The following INO80 variants were observed in gnomAD, a reference collection of about 807,000 sequenced individuals.
INO80 encodes INO80 complex ATPase subunit.
Under a neutral mutation model 203.4 loss-of-function variants are expected in INO80, and 20 were observed. The ratio of observed to expected loss-of-function variants is 0.10; its 90% CI spans 0.07 to 0.14. INO80 has a LOEUF of 0.14. INO80 is among the 10% of genes least tolerant of loss of function. The pLI, the probability that INO80 is intolerant of heterozygous loss-of-function variation, is 1.00. For missense variants in INO80, 1,419 were observed against 1,914.4 expected, an observed-to-expected ratio of 0.74 and a Z score of 4.83; for synonymous variants, 726 against 685.2, an observed-to-expected ratio of 1.06 and a Z score of -0.93.
In INO80 at chr15:40,983,041, C is replaced by T; in HGVS notation, c.4274G>A (p.Gly1425Asp). 6.2e-7 allele frequency: 1 copy of T among 1,613,884 alleles called. No homozygotes were observed. The highest frequency in any genetic ancestry group is 8.5e-7 in the Non-Finnish European group (1 of 1,179,978). The change falls in exon 35 of 36, where the codon GGT becomes GAT. Residue 1425 changes from glycine (G) to aspartate (D), a missense_variant. Physicochemically the swap from Gly to Asp is moderately conservative, Grantham distance 94 (BLOSUM62 -1). Around this residue, in one of 9 missense-constraint regions of INO80, gnomAD observed 214 missense variants for 248.9 expected, o/e 0.86. Coordinates refer to ENST00000648947, the MANE Select transcript of INO80 (RefSeq NM_017553.3). ...GCGGCCTCGGCTTCGGGCTGAGTGA[C>T]CACGTCCTGCAGCTGGCATTTCCTG... is the stretch of plus-strand genomic sequence containing the variant. ...SIQEMPAAGR[G>D]HSARSRGRPK...
intron 24 of INO80, among the ~76,000 whole-genome samples, chr15:41,031,912 C>CCACAGCACAG (rs1240339775): frequency 3.1e-5 from 4 of 128,378 alleles, no homozygotes; most frequent in African/African-American, 1.4e-4. Context: ...ATACTCCTTG[C>CCACAGCACAG]CACAGCACAG....
intron 29 of INO80, among the ~76,000 whole-genome samples, chr15:40,997,219 A>T (rs983876067): frequency 2.0e-5 from 3 of 152,024 alleles, no homozygotes; most frequent in African/African-American, 4.8e-5. Flanking sequence ...TTGAAGCTAC[A>T]GTGACCCATG....
At position 41,099,268 on chromosome 15, in the gene INO80, CAA is replaced by C. The variant is rs1491420813; in HGVS notation, c.-43-2917_-43-2916del. Among the ~76,000 whole-genome samples the C allele has an allele frequency of 3.8e-3, 174 of 45,482 alleles. 2 individuals are homozygous for C. The highest frequency in any genetic ancestry group is 0.012 in the African/African-American group (158 of 13,468). The allele number at this position is 45,482 out of a possible 152,430, so 29.8% of individuals were successfully genotyped here. ...AAAAAAAAAAAAAAAAAAAAAAAAA[CAA>C]ACACACACACACACACACAACAAGA... On this transcript the variant is annotated intron_variant, in intron 1 of 35. Transcript: ENST00000648947.
intron 19 of INO80, among the ~76,000 whole-genome samples, chr15:41,051,916 C>T (rs577361811): frequency 1.3e-5 from 2 of 152,140 alleles, no homozygotes; most frequent in South Asian, 4.1e-4. Context: ...TGAGATCGCG[C>T]CACTGCACTC....
chr15:41,081,773 C>A (rs1359299331), intron 7 of INO80, among the ~76,000 whole-genome samples: 1 of 152,062 alleles, frequency 6.6e-6, no homozygotes. Context: ...AGAGTACTCT[C>A]CTTGATGTTA....
At chr15:41,023,105 A>T (rs1029893204) in intron 25 of INO80, 2 of 338,564 alleles carry the variant, frequency 5.9e-6, no homozygotes, top group Non-Finnish European at 1.2e-5. Flanking sequence ...TGTCTCAAAA[A>T]AAAAAAAAAA....
chr15:41,057,797 C>CAAAA (rs35197370), intron 16 of INO80, among the ~76,000 whole-genome samples: 312 of 26,730 alleles, frequency 0.012, no homozygotes, highest in Middle Eastern at 0.021. Flanking sequence ...AACTACATCT[C>CAAAA]AAAAAAAAAA....
At chr15:41,101,529 CACAA>C (rs1423346307) in intron 1 of INO80, among the ~76,000 whole-genome samples, 1 of 151,818 alleles carries the variant, frequency 6.6e-6, no homozygotes, top group Non-Finnish European at 1.5e-5. Context: ...GAGTCACCAA[CACAA>C]ACAGACTTTA....
rs2045482673 is a variant in INO80, at chr15:41,081,395, AAAAAC to A, written c.874-327_874-323del. 3.3e-5 allele frequency among the ~76,000 whole-genome samples: 5 copies of A among 152,198 alleles called. No homozygotes were observed. The South Asian group carries it at 1.0e-3, about 32-fold the overall frequency. On this transcript the variant is annotated intron_variant, in intron 7 of 35. Coordinates refer to ENST00000648947, the MANE Select transcript of INO80 (RefSeq NM_017553.3). ...CCTAAACCTTAGCACTATCCTGATT[AAAAAC>A]ATGTTGCTTACCAGGGCCAATCTGC...
intron 19 of INO80, among the ~76,000 whole-genome samples, chr15:41,052,485 C>A (rs1338833629): frequency 1.3e-5 from 2 of 151,478 alleles, no homozygotes; most frequent in African/African-American, 4.9e-5. Flanking sequence ...CTAGTCTGGG[C>A]AACATAGCAA....
chr15:41,102,968 G>A (rs1371019276), intron 1 of INO80, among the ~76,000 whole-genome samples: 1 of 152,072 alleles, frequency 6.6e-6, no homozygotes, highest in African/African-American at 2.4e-5. Flanking sequence ...ACTGCTGTAT[G>A]ACTGACCCTC....
chr15:41,090,836 CTT>C lies in INO80; in HGVS notation c.537+1189_537+1190del, dbSNP rs11323254. On this transcript the variant is annotated intron_variant, in intron 5 of 35. Coordinates refer to ENST00000648947, the MANE Select transcript of INO80 (RefSeq NM_017553.3). The stretch of plus-strand genomic sequence containing the variant: ...GCTACCTAAAGTTAAAATGATGTAT[CTT>C]TTTTTTTTTAAGAACATATCTTTTA... Among the ~76,000 whole-genome samples, 695 of 145,290 alleles carry C rather than the reference CTT, an allele frequency of 4.8e-3. 2 individuals carry two copies. The highest frequency in any genetic ancestry group is 8.3e-3 in the Non-Finnish European group (547 of 66,144).
intron 1 of INO80, among the ~76,000 whole-genome samples, chr15:41,115,423 C>T (rs1047912781): frequency 3.9e-5 from 6 of 152,212 alleles, no homozygotes; most frequent in Non-Finnish European, 8.8e-5. Context: ...CATCTAGACA[C>T]TCCCAAGTCT....
At chr15:40,985,739 A>G (rs1241678863) in intron 31 of INO80, among the ~76,000 whole-genome samples, 1 of 152,146 alleles carries the variant, frequency 6.6e-6, no homozygotes, top group East Asian at 1.9e-4. Flanking sequence ...GTGAAACCCC[A>G]TCTCTATAAA....
intron 16 of INO80, 23 bp downstream of exon 16, chr15:41,058,616 T>A: frequency 6.2e-7 from 1 of 1,607,900 alleles, no homozygotes; most frequent in Non-Finnish European, 8.5e-7. Flanking sequence ...TGCATTGAGT[T>A]TGGTTTCTAC....
chr15:40,979,088 A>G lies in INO80; in HGVS notation c.*1135T>C, dbSNP rs1293675365. ...GAGCAGGGGAATCTTAATGATTTAA[A>G]TTAAATGATTCCCCTATACCCCCTA... On this transcript the variant is annotated 3_prime_UTR_variant, in exon 36 of 36. Coordinates refer to ENST00000648947, the MANE Select transcript of INO80 (RefSeq NM_017553.3). The G allele has an allele frequency of 2.0e-5, 3 of 152,576 alleles. No homozygotes were observed. Among genetic ancestry groups the G allele is most frequent in the African/African-American group, 7.2e-5 (3 of 41,432 alleles). 9.5% of individuals were successfully genotyped at this position (152,576 alleles called of 1,614,324 possible).
At position 40,997,604 on chromosome 15, in the gene INO80, G is replaced by A. The variant is rs1207210225; in HGVS notation, c.3498-3C>T. 3 of 1,604,444 alleles carry A rather than the reference G, an allele frequency of 1.9e-6. No individual in the cohort carries two copies. In the East Asian group the frequency reaches 6.7e-5, roughly 36 times the overall value. ...ACAGGAACACAAAGATGTCATTCCT[G>A]CAGAAAAGGGAGAGATATGTTAAAG... On this transcript the variant is annotated splice_polypyrimidine_tract_variant and splice_region_variant and intron_variant, in intron 28 of 35. Transcript: ENST00000648947.
At chr15:40,985,818 G>A (rs528106542) in intron 31 of INO80, among the ~76,000 whole-genome samples, 1 of 152,232 alleles carries the variant, frequency 6.6e-6, no homozygotes, top group South Asian at 2.1e-4. Flanking sequence ...TGAGTCAGGA[G>A]GACTGCCTGA....
At chr15:41,100,825 T>C (rs1286402929) in intron 1 of INO80, among the ~76,000 whole-genome samples, 1 of 151,482 alleles carries the variant, frequency 6.6e-6, no homozygotes, top group Non-Finnish European at 1.5e-5. Flanking sequence ...CATTCACAAT[T>C]TTTTCTTTTT....
Sources: allele counts gnomAD v4.1 joint callset (sites outside exome capture counted in the v4.1 genomes callset), GRCh38; gene constraint gnomAD v4.1.1; regional missense constraint gnomAD v4.1.1; transcripts MANE v1.5; gene names NCBI Gene and HGNC (gene_info 2026-07-23, HGNC 2026-07-21).